The following STK38 variants were observed in gnomAD, a reference collection of about 807,000 sequenced individuals.
STK38 encodes the protein serine/threonine-protein kinase 38.
STK38 carries 26 observed loss-of-function variants against 59.0 expected under a neutral mutation model. That is an observed-to-expected ratio of 0.44 (90% CI 0.32 to 0.61). The LOEUF (loss-of-function observed/expected upper bound fraction) is 0.61. Ranked by LOEUF, STK38 falls within the 20% of genes least tolerant of loss-of-function variation. STK38 has a pLI of 0.04. For synonymous variants in STK38, 175 were observed against 176.6 expected (o/e 0.99, Z 0.07); for missense variants, 433 against 566.0 (o/e 0.76, Z 2.38).
In STK38 at chr6:36,517,739, T is replaced by C; in HGVS notation, c.492A>G (p.Leu164=). ...TACCTCCAGGCAGGAACTCCATGAT[T>C]AGGTAGAGGTTTAGCTTATCCTGAA... ...YSFQDKLNLY[L]IMEFLPGGDM... is the part of the protein sequence containing the mutation. The change falls in exon 6 of 14, where the codon CTA becomes CTG. Residue 164 remains leucine, a synonymous_variant. Coordinates refer to ENST00000229812, the MANE Select transcript of STK38 (RefSeq NM_007271.4). 1 of 1,613,594 alleles carries C rather than the reference T, an allele frequency of 6.2e-7. No individual in the cohort carries two copies. Among genetic ancestry groups the C allele is most frequent in the Non-Finnish European group, 8.5e-7 (1 of 1,179,680 alleles).
chr6:36,496,636 T>C (rs1776709791), intron 13 of STK38, 75 bp downstream of exon 13: 4 of 1,097,972 alleles, frequency 3.6e-6, no homozygotes, highest in Non-Finnish European at 4.2e-6. Flanking sequence ...CTACCCTGAT[T>C]TGTAAACATC....
chr6:36,529,109 A>G (rs951479421), intron 2 of STK38, among the ~76,000 whole-genome samples: 12 of 152,242 alleles, frequency 7.9e-5, no homozygotes, highest in Non-Finnish European at 1.6e-4. Flanking sequence ...TGAGACTTAA[A>G]AATGACATCC....
chr6:36,544,439 C>G (rs1341848290), intron 1 of STK38, among the ~76,000 whole-genome samples: 1 of 151,972 alleles, frequency 6.6e-6, no homozygotes, highest in Non-Finnish European at 1.5e-5. Flanking sequence ...AAACCACATG[C>G]ACTCTAAGTG....
chr6:36,517,687 A>G, intron 6 of STK38, 30 bp downstream of exon 6: 1 of 1,607,322 alleles, frequency 6.2e-7, no homozygotes, highest in Non-Finnish European at 8.5e-7. Flanking sequence ...AACAAAAAGA[A>G]AAAATGACCT....
chr6:36,526,545 G>A (rs957017036), intron 2 of STK38, among the ~76,000 whole-genome samples: 4 of 151,106 alleles, frequency 2.6e-5, no homozygotes, highest in Admixed American at 6.6e-5. Context: ...GGTCACTTGA[G>A]GTCAGGAGTC....
chr6:36,530,297 G>C (rs1318293018), intron 2 of STK38, among the ~76,000 whole-genome samples: 1 of 152,046 alleles, frequency 6.6e-6, no homozygotes, highest in Non-Finnish European at 1.5e-5. Context: ...GAAGAGAAGA[G>C]GGGAGCGGAG....
At chr6:36,498,279 C>T (rs1776754074) in intron 11 of STK38, 84 bp downstream of exon 11, 2 of 1,519,590 alleles carry the variant, frequency 1.3e-6, no homozygotes, top group Non-Finnish European at 1.8e-6. Flanking sequence ...AAAGCAGATT[C>T]AGGAGATAAC....
intron 2 of STK38, among the ~76,000 whole-genome samples, chr6:36,534,072 A>AT (rs1263762758): frequency 6.6e-6 from 1 of 152,198 alleles, no homozygotes; most frequent in Non-Finnish European, 1.5e-5. Flanking sequence ...AAATATTAGC[A>AT]TATCAACCCA....
intron 6 of STK38, 61 bp from the exon 7 acceptor site, chr6:36,515,553 CACA>C (rs866183467): frequency 6.6e-7 from 1 of 1,518,674 alleles, no homozygotes; most frequent in Non-Finnish European, 8.9e-7. Flanking sequence ...CACACACACA[CACA>C]ACATACGAGT....
At chr6:36,508,095 G>A (rs1777012317) in intron 7 of STK38, among the ~76,000 whole-genome samples, 5 of 151,720 alleles carry the variant, frequency 3.3e-5, no homozygotes, top group East Asian at 1.9e-4. Flanking sequence ...CACCACGTCC[G>A]ACTAATTTTT....
intron 13 of STK38, 129 bp from the exon 14 acceptor site, chr6:36,496,043 ATTTTTT>A: frequency 4.5e-5 from 28 of 618,178 alleles, no homozygotes; most frequent in Admixed American, 1.4e-4. Context: ...CACTCTATGA[ATTTTTT>A]TTTTTTTTTT....
At chr6:36,512,084 GAAAGAAAGAAAGTAA>G (rs1777124777) in intron 7 of STK38, among the ~76,000 whole-genome samples, 1 of 152,016 alleles carries the variant, frequency 6.6e-6, no homozygotes, top group Non-Finnish European at 1.5e-5. Flanking sequence ...AAAAAAGCAA[GAAAGAAAGAAAGTAA>G]AACTTTTTAA....
chr6:36,519,571 C>CGTG (rs2127478188), intron 5 of STK38, among the ~76,000 whole-genome samples: 1 of 152,338 alleles, frequency 6.6e-6, no homozygotes, highest in Admixed American at 6.5e-5. Context: ...ATGAGCACAC[C>CGTG]TTGCCTTTCT....
intron 1 of STK38, among the ~76,000 whole-genome samples, chr6:36,543,916 A>G (rs374823434): frequency 1.3e-5 from 2 of 152,288 alleles, no homozygotes; most frequent in East Asian, 1.9e-4. Context: ...TTAGAGGCAT[A>G]AGCCACCGCA....
chr6:36,529,321 C>T (rs1474172809), intron 2 of STK38, among the ~76,000 whole-genome samples: 1 of 152,108 alleles, frequency 6.6e-6, no homozygotes, highest in Non-Finnish European at 1.5e-5. Context: ...GTACCAAAGC[C>T]CTAAAATTAT....
At chr6:36,530,274 G>A (rs1275610023) in intron 2 of STK38, among the ~76,000 whole-genome samples, 1 of 151,182 alleles carries the variant, frequency 6.6e-6, no homozygotes, top group African/African-American at 2.4e-5. Flanking sequence ...GCGACAGATC[G>A]AGATTCTGTC....
At chr6:36,495,995 A>G (rs1457863548) in intron 13 of STK38, 81 bp from the exon 14 acceptor site, 3 of 1,497,000 alleles carry the variant, frequency 2.0e-6, no homozygotes, top group Admixed American at 1.8e-5. Context: ...CAGGACTATG[A>G]AGAACACACC....
At chr6:36,525,483 T>C (rs1473376468) in intron 3 of STK38, 108 bp downstream of exon 3, 2 of 959,982 alleles carry the variant, frequency 2.1e-6, no homozygotes, top group Non-Finnish European at 3.2e-6. Context: ...CAAGTTCCTC[T>C]GTTATTGAGC....
chr6:36,527,207 A>AAT lies in STK38; in HGVS notation c.132-1567_132-1566dup, dbSNP rs1554168829. Among the ~76,000 whole-genome samples the AAT allele has an allele frequency of 5.8e-3, 696 of 119,302 alleles. 14 individuals are homozygous for AAT. The highest frequency in any genetic ancestry group is 0.013 in the African/African-American group (366 of 28,552). The allele number at this position is 119,302 out of a possible 152,430, so 78.3% of individuals were successfully genotyped here. On this transcript the variant is annotated intron_variant, in intron 2 of 13. Coordinates refer to ENST00000229812, the MANE Select transcript of STK38 (RefSeq NM_007271.4). Reference sequence around the variant, plus strand: ...ACTCCGTCTCAAAAAAAAAAAAAAAAATATATGTATATATATATATATTTA... The same window carrying AAT: ...ACTCCGTCTCAAAAAAAAAAAAAAAAATATATATGTATATATATATATATTTA...
Sources: allele counts gnomAD v4.1 joint callset (sites outside exome capture counted in the v4.1 genomes callset), GRCh38; gene constraint gnomAD v4.1.1; transcripts MANE v1.5; gene names NCBI Gene and HGNC (gene_info 2026-07-23, HGNC 2026-07-21).